Variants in NHSL2 observed in about 807,000 individuals in gnomAD.
NHSL2 encodes NHS-like protein 2.
A neutral mutation model predicts 53.4 loss-of-function variants in NHSL2; 27 were observed. The observed-to-expected ratio is 0.51, with a 90% CI of 0.37 to 0.70. The LOEUF is 0.70. Ranked by LOEUF, NHSL2 falls within the 30% of genes least tolerant of loss-of-function variation. The probability of loss-of-function intolerance (pLI) is 0.00; values close to 1 mark genes in which losing one functional copy is unlikely to be tolerated. For missense variants in NHSL2, 892 were observed against 980.1 expected (o/e 0.91, Z 1.20); for synonymous variants, 408 against 404.1 (o/e 1.01, Z -0.12).
rs1963489057 is a variant in NHSL2 at position 72,148,376 on chromosome X, A to G, written c.*4802A>G. The G allele has an allele frequency of 3.6e-5, 4 of 111,135 alleles. No homozygotes were observed. In the South Asian group the frequency reaches 1.1e-3, roughly 32 times the overall value. The allele number at this position is 111,135 out of a possible 1,213,427, so 9.2% of individuals were successfully genotyped here. A position where few individuals can be genotyped will look rare whatever the true frequency, so the allele number is the denominator to read the frequency against. On this transcript the variant is annotated 3_prime_UTR_variant, in exon 8 of 8. Coordinates refer to ENST00000633930, the MANE Select transcript of NHSL2 (RefSeq NM_001013627.3). ...TACAAGCTTCTGCTTTCCCTGCTTC[A>G]TCTCTGTTATGGGCTATCAGTCCAG...
rs764458257 is a variant in NHSL2, at chrX:71,969,344, G to A, written c.280+57977G>A. ...CTTTTTTTTTTTTTGAGACAGTCTCGCTCTGTTGCCCAGGCTGGAGTGCAA... is the reference window on the plus strand; with the variant it reads ...CTTTTTTTTTTTTTGAGACAGTCTCACTCTGTTGCCCAGGCTGGAGTGCAA... On this transcript the variant is annotated intron_variant, in intron 1 of 7. Coordinates refer to ENST00000633930, the MANE Select transcript of NHSL2 (RefSeq NM_001013627.3). 8.4e-5 allele frequency among the ~76,000 whole-genome samples: 7 copies of A among 82,994 alleles called. No homozygotes were observed. The East Asian group carries it at 2.5e-3, about 29-fold the overall frequency. 72.1% of individuals were successfully genotyped at this position (82,994 alleles called of 115,157 possible). A position where few individuals can be genotyped will look rare whatever the true frequency, so the allele number is the denominator to read the frequency against.
chrX:72,143,632 G>A lies in NHSL2; in HGVS notation c.*58G>A, dbSNP rs187931625. 75 of 772,898 alleles carry A rather than the reference G, an allele frequency of 9.7e-5. No individual in the cohort carries two copies. Among genetic ancestry groups the A allele is most frequent in the Admixed American group, 5.6e-4 (15 of 26,741 alleles). The allele number at this position is 772,898 out of a possible 1,213,427, so 63.7% of individuals were successfully genotyped here. On this transcript the variant is annotated 3_prime_UTR_variant, in exon 8 of 8. Transcript: ENST00000633930. ...AAACTTGAGTAGAGAAGGGGGAAGA[G>A]AAAGGGTCTTTAAACAGAACCATGG... is the stretch of plus-strand genomic sequence containing the variant.
At chrX:71,985,444 T>C (rs986830095) in intron 1 of NHSL2, among the ~76,000 whole-genome samples, 1 of 112,376 alleles carries the variant, frequency 8.9e-6, no homozygotes, top group Non-Finnish European at 1.9e-5. Flanking sequence ...GTTTCTCAAA[T>C]TGTGTCCTGT....
intron 1 of NHSL2, among the ~76,000 whole-genome samples, chrX:72,071,109 C>T (rs184109903): frequency 1.1e-3 from 120 of 110,934 alleles, no homozygotes; most frequent in Non-Finnish European, 1.8e-3. Context: ...TATGCTGGCA[C>T]GCAGGGTAAC....
At chrX:72,036,312 A>AT (rs1157265278) in intron 1 of NHSL2, among the ~76,000 whole-genome samples, 1 of 111,678 alleles carries the variant, frequency 9.0e-6, no homozygotes, top group East Asian at 2.8e-4. Flanking sequence ...AAAATGTGTC[A>AT]TTTTTTTCTG....
Position 71,911,171 on chromosome X carries a change from G to A in NHSL2, c.84G>A (p.Val28=), listed in dbSNP as rs1409232894. 1.8e-6 allele frequency: 2 copies of A among 1,133,342 alleles called. No homozygotes were observed. The highest frequency in any genetic ancestry group is 2.7e-5 in the Admixed American group (1 of 37,446). The allele number at this position is 1,133,342 out of a possible 1,213,427, so 93.4% of individuals were successfully genotyped here. Residue 28 remains valine, a synonymous_variant, in exon 1 of 8, where the codon GTG becomes GTA. Transcript: ENST00000633930. The part of the protein sequence containing the change: ...PPQQLAELRD[V]SHLAALSLLR... ...AGCAGCTGGCGGAGCTCCGCGACGT[G>A]AGCCACCTGGCAGCGCTCAGCCTGC...
chrX:72,067,941 G>T (rs1312736305), intron 1 of NHSL2, among the ~76,000 whole-genome samples: 1 of 112,291 alleles, frequency 8.9e-6, no homozygotes, highest in Admixed American at 9.4e-5. Context: ...CCTAGCAGGG[G>T]TAATATTCCA....
intron 1 of NHSL2, among the ~76,000 whole-genome samples, chrX:71,912,108 G>A (rs1332806273): frequency 1.8e-5 from 2 of 112,634 alleles, no homozygotes; most frequent in African/African-American, 6.5e-5. Context: ...TTCCTGAAGC[G>A]CATTCACTTT....
At chrX:71,966,018 G>A (rs1333334769) in intron 1 of NHSL2, 1 of 112,517 alleles carries the variant, frequency 8.9e-6, no homozygotes, top group Admixed American at 9.4e-5. Flanking sequence ...CTTGCACAGA[G>A]GCCATGCTAA....
At position 72,137,106 on chromosome X, in the gene NHSL2, A is replaced by G; in HGVS notation, c.773A>G (p.Asp258Gly). ...ATTTTGGCTACAGGGCAGCAGTTTG[A>G]TAAACATGCAAGTTTGCGACACTCG... ...VPINISGQQF[D>G]KHASLRHSLF... The change falls in exon 5 of 8, where the codon GAT becomes GGT. Residue 258 changes from aspartate (D) to glycine (G), a missense_variant. By Grantham distance (94) the Asp-to-Gly change is moderately conservative (BLOSUM62 -1). Coordinates refer to ENST00000633930, the MANE Select transcript of NHSL2 (RefSeq NM_001013627.3). The G allele has an allele frequency of 8.6e-7, 1 of 1,167,017 alleles. No individual in the cohort carries two copies. The highest frequency in any genetic ancestry group is 1.1e-6 in the Non-Finnish European group (1 of 872,111).
intron 1 of NHSL2, among the ~76,000 whole-genome samples, chrX:72,098,449 C>T (rs1202459426): frequency 5.5e-5 from 6 of 109,950 alleles, no homozygotes; most frequent in Admixed American, 1.9e-4. Context: ...GGCGTGGTGG[C>T]GGGCGCCTGT....
chrX:71,971,342 A>T (rs957161771), intron 1 of NHSL2, among the ~76,000 whole-genome samples: 1 of 111,985 alleles, frequency 8.9e-6, no homozygotes, highest in African/African-American at 3.2e-5. Context: ...TATTATGTCC[A>T]TGTGTGTTAC....
At position 72,140,583 on chromosome X, in the gene NHSL2, A is replaced by G. The variant is rs749269964; in HGVS notation, c.3035A>G (p.Tyr1012Cys). ...PPVPKKPSVLYLPLTSPTAQM... is the reference protein window; with the variant it reads ...PPVPKKPSVLCLPLTSPTAQM... ...GTACCAAAAAAACCCAGCGTGCTGT[A>G]CCTGCCTCTCACTTCTCCCACAGCT... The change falls in exon 6 of 8, where the codon TAC (tyrosine) becomes TGC (cysteine). Residue 1012 changes from tyrosine to cysteine, a missense_variant. Physicochemically the swap from Tyr to Cys is radical, Grantham distance 194. Coordinates refer to ENST00000633930, the MANE Select transcript of NHSL2 (RefSeq NM_001013627.3). The G allele has an allele frequency of 8.3e-7, 1 of 1,211,706 alleles. No individual in the cohort carries two copies. The highest frequency in any genetic ancestry group is 1.7e-5 in the African/African-American group (1 of 57,870).
chrX:71,994,802 G>A (rs1392826953), intron 1 of NHSL2, among the ~76,000 whole-genome samples: 2 of 111,535 alleles, frequency 1.8e-5, no homozygotes, highest in African/African-American at 6.5e-5. Flanking sequence ...TGGTGATGGG[G>A]GGCCAGCCAG....
At chrX:71,911,642 G>A (rs1205367743) in intron 1 of NHSL2, among the ~76,000 whole-genome samples, 1 of 112,637 alleles carries the variant, frequency 8.9e-6, no homozygotes, top group African/African-American at 3.2e-5. Flanking sequence ...GCCGCCTCCT[G>A]GGGTTTTGGC....
At chrX:72,069,297 C>G (rs1282803644) in intron 1 of NHSL2, among the ~76,000 whole-genome samples, 1 of 108,760 alleles carries the variant, frequency 9.2e-6, no homozygotes, top group Non-Finnish European at 1.9e-5. Flanking sequence ...TCTGCAGAGG[C>G]AGATGAAGTG....
At chrX:72,130,257 C>G (rs1556370493) in intron 1 of NHSL2, 1 of 1,207,577 alleles carries the variant, frequency 8.3e-7, no homozygotes, top group Non-Finnish European at 1.1e-6. Flanking sequence ...GGCCCCCATC[C>G]TCATCTTCAT....
chrX:72,134,722 C>T lies in NHSL2; in HGVS notation c.760+18C>T, dbSNP rs779785113. On this transcript the variant is annotated intron_variant, in intron 4 of 7. Transcript: ENST00000633930. ...CATCTCTGGTAGAGTTGCTTAGCAC[C>T]GCCTTTGTCTTCTTCCCTTCATGCC... 1.3e-5 allele frequency: 15 copies of T among 1,118,856 alleles called. No homozygotes were observed. The highest frequency in any genetic ancestry group is 5.4e-5 in the African/African-American group (3 of 55,136). 92.2% of individuals were successfully genotyped at this position (1,118,856 alleles called of 1,213,427 possible).
At chrX:71,986,725 A>G (rs185678351) in intron 1 of NHSL2, among the ~76,000 whole-genome samples, 8 of 112,055 alleles carry the variant, frequency 7.1e-5, no homozygotes, top group Admixed American at 2.8e-4. Flanking sequence ...AAACAGATCA[A>G]TCTTCTAAGA....
Sources: gnomAD v4.1 joint callset for allele counts (sites outside exome capture counted in the v4.1 genomes callset) on GRCh38, gnomAD v4.1.1 for gene constraint, MANE v1.5 for transcripts, NCBI Gene and HGNC (gene_info 2026-07-23, HGNC 2026-07-21) for gene names.